Variants in DPP6 observed in about 807,000 individuals in gnomAD.
DPP6 encodes the protein A-type potassium channel modulatory protein DPP6.
In DPP6, 69 loss-of-function variants were observed where a neutral mutation model predicts 122.6. The ratio of observed to expected loss-of-function variants is 0.56; its 90% CI spans 0.46 to 0.69. The LOEUF (loss-of-function observed/expected upper bound fraction) is 0.69, where lower values mean the gene tolerates loss of function less well. Ranked by LOEUF, DPP6 falls within the 30% of genes least tolerant of loss-of-function variation. The pLI is 0.00. For synonymous variants in DPP6, 418 were observed against 433.1 expected (o/e 0.97, Z 0.43); for missense variants, 928 against 1,116.9 (o/e 0.83, Z 2.41).
chr7:154,393,569 T>G (rs1156561112), intron 1 of DPP6, among the ~76,000 whole-genome samples: 4 of 150,940 alleles, frequency 2.7e-5, no homozygotes, highest in Admixed American at 1.3e-4. Context: ...TTTTTTTTTT[T>G]GTCCTCTCAG....
intron 16 of DPP6, among the ~76,000 whole-genome samples, chr7:154,836,221 C>T (rs961130908): frequency 6.6e-6 from 1 of 152,252 alleles, no homozygotes; most frequent in Non-Finnish European, 1.5e-5. Context: ...GGCTTCACTT[C>T]GAAGATGCAG....
At chr7:154,101,983 A>G (rs1805765030) in intron 1 of DPP6, among the ~76,000 whole-genome samples, 1 of 149,316 alleles carries the variant, frequency 6.7e-6, no homozygotes, top group Non-Finnish European at 1.5e-5. Context: ...TCTTGCTCCT[A>G]CCGTCTTACT....
chr7:154,187,024 C>T (rs931021671), intron 1 of DPP6, among the ~76,000 whole-genome samples: 1 of 152,152 alleles, frequency 6.6e-6, no homozygotes, highest in Non-Finnish European at 1.5e-5. Flanking sequence ...GGAGGGAGCT[C>T]CTGGCAGTGC....
At chr7:154,258,110 G>T (rs1802769175) in intron 1 of DPP6, among the ~76,000 whole-genome samples, 1 of 150,988 alleles carries the variant, frequency 6.6e-6, no homozygotes, top group Middle Eastern at 3.2e-3. Flanking sequence ...GTGAGCATGA[G>T]GAGGAGAGGA....
intron 2 of DPP6, among the ~76,000 whole-genome samples, chr7:154,461,238 G>A (rs751917748): frequency 2.0e-4 from 31 of 152,078 alleles, no homozygotes; most frequent in East Asian, 3.9e-4. Flanking sequence ...TTGTGTATAC[G>A]TACCATATTT....
chr7:154,137,650 T>TGGGGGGGGGG (rs1419049474), intron 1 of DPP6, among the ~76,000 whole-genome samples: 2 of 10,058 alleles, frequency 2.0e-4, no homozygotes, highest in African/African-American at 7.3e-4. Flanking sequence ...GTGGGGGGGG[T>TGGGGGGGGGG]GGGGGGGTGG....
chr7:153,750,328 A>G, the DPP6 span, among the ~76,000 whole-genome samples: 1 of 150,820 alleles, frequency 6.6e-6, no homozygotes, highest in East Asian at 1.9e-4. Context: ...ACATTACTTA[A>G]TATCTACAGG....
At chr7:154,177,826 C>T (rs1013612614) in intron 1 of DPP6, among the ~76,000 whole-genome samples, 5 of 152,280 alleles carry the variant, frequency 3.3e-5, no homozygotes, top group South Asian at 2.1e-4. Context: ...GCAGAAGGCT[C>T]ATGGTGGATG....
intron 1 of DPP6, among the ~76,000 whole-genome samples, chr7:154,028,988 C>T (rs1305084646): frequency 1.3e-5 from 2 of 150,314 alleles, no homozygotes; most frequent in Non-Finnish European, 3.0e-5. Flanking sequence ...ACTGCCACCT[C>T]CCCTCTGTCC....
intron 1 of DPP6, among the ~76,000 whole-genome samples, chr7:154,249,495 T>TA (rs1453485553): frequency 6.6e-6 from 1 of 152,250 alleles, no homozygotes; most frequent in African/African-American, 2.4e-5. Context: ...CTCTCTAAGA[T>TA]ACTTGAGAGA....
chr7:154,440,294 C>T (rs545394310), intron 1 of DPP6, among the ~76,000 whole-genome samples: 60 of 152,224 alleles, frequency 3.9e-4, no homozygotes, highest in African/African-American at 1.3e-3. Flanking sequence ...CACATGGAGG[C>T]GGCATTAATT....
intron 1 of DPP6, among the ~76,000 whole-genome samples, chr7:154,243,237 C>A (rs1239392150): frequency 6.6e-6 from 1 of 152,030 alleles, no homozygotes; most frequent in Non-Finnish European, 1.5e-5. Context: ...TAAAAAATTG[C>A]TAGAGTTTCA....
chr7:154,651,967 G>A (rs1281604926), intron 6 of DPP6, among the ~76,000 whole-genome samples: 2 of 152,158 alleles, frequency 1.3e-5, no homozygotes, highest in Admixed American at 1.3e-4. Flanking sequence ...CCCCAAATTA[G>A]ATAAGATCAA....
chr7:153,768,595 G>C, the DPP6 span, among the ~76,000 whole-genome samples: 67,391 of 151,834 alleles, frequency 0.44, 15,265 homozygotes, highest in South Asian at 0.54. Flanking sequence ...TGGTTTTGCT[G>C]TACGTTTTCT....
chr7:154,576,148 A>G (rs922089941), intron 5 of DPP6, among the ~76,000 whole-genome samples: 77,072 of 151,648 alleles, frequency 0.51, 21,078 homozygotes, highest in East Asian at 0.94. Context: ...GCTGTGAGTC[A>G]CCTTCTAATT....
At chr7:154,415,370 C>CAAT (rs1816938435) in intron 1 of DPP6, among the ~76,000 whole-genome samples, 1 of 152,104 alleles carries the variant, frequency 6.6e-6, no homozygotes, top group African/African-American at 2.4e-5. Context: ...ATAATATATT[C>CAAT]AATTCCTTCA....
At chr7:154,707,022 A>T (rs13228368) in intron 7 of DPP6, among the ~76,000 whole-genome samples, 9,647 of 152,278 alleles carry the variant, frequency 0.063, 383 homozygotes, top group Middle Eastern at 0.12. Context: ...CTTTCTTGGC[A>T]CTACACTCTG....
chr7:153,921,053 G>A (rs1002529292), intron 1 of DPP6, among the ~76,000 whole-genome samples: 8 of 152,358 alleles, frequency 5.3e-5, no homozygotes, highest in East Asian at 1.9e-4. Flanking sequence ...GCTCTATAGC[G>A]AGAAGATCTG....
At chr7:153,748,141 C>T in the DPP6 span, among the ~76,000 whole-genome samples, 1 of 152,246 alleles carries the variant, frequency 6.6e-6, no homozygotes. Flanking sequence ...ACAGAGCGCT[C>T]GCATCCCTCA....
Sources: gnomAD v4.1 joint callset for allele counts (sites outside exome capture counted in the v4.1 genomes callset) on GRCh38, gnomAD v4.1.1 for gene constraint, MANE v1.5 for transcripts, NCBI Gene and HGNC (gene_info 2026-07-23, HGNC 2026-07-21) for gene names.